Variants in RAD54B observed in about 807,000 individuals in gnomAD.
RAD54B encodes the protein RAD54 homolog B.
A neutral mutation model predicts 95.8 loss-of-function variants in RAD54B; 78 were observed. That is an observed-to-expected ratio of 0.81 (90% CI 0.68 to 0.98). The LOEUF (loss-of-function observed/expected upper bound fraction) is 0.98, where lower values mean the gene tolerates loss of function less well. Among genes scored for constraint, RAD54B ranks in the 50% least tolerant of loss-of-function variants. The pLI is 0.00. For synonymous variants in RAD54B, 328 were observed against 354.9 expected (o/e 0.92, Z 0.85); for missense variants, 957 against 1,056.6 (o/e 0.91, Z 1.31).
chr8:94,414,362 T>C (rs982020114), intron 3 of RAD54B, among the ~76,000 whole-genome samples: 1 of 152,154 alleles, frequency 6.6e-6, no homozygotes, highest in Non-Finnish European at 1.5e-5. Flanking sequence ...TCCAACACTA[T>C]GTTGAATAGG....
chr8:94,432,931 A>G (rs1000381786), intron 3 of RAD54B, among the ~76,000 whole-genome samples: 5 of 152,122 alleles, frequency 3.3e-5, no homozygotes, highest in Non-Finnish European at 7.4e-5. Flanking sequence ...AATGAAGAAA[A>G]TAAAAAGAAA....
At chr8:94,409,005 T>TC (rs1811464781) in intron 4 of RAD54B, among the ~76,000 whole-genome samples, 1 of 152,086 alleles carries the variant, frequency 6.6e-6, no homozygotes, top group Non-Finnish European at 1.5e-5. Context: ...TACTGGTTTT[T>TC]TTTTTTTCCT....
At chr8:94,458,220 T>G (rs1281598476) in intron 3 of RAD54B, 48 bp downstream of exon 3, 1 of 1,459,526 alleles carries the variant, frequency 6.9e-7, no homozygotes, top group Non-Finnish European at 9.2e-7. Flanking sequence ...AAGAATACTG[T>G]AATACTATTG....
In RAD54B at chr8:94,430,978, G is replaced by A. The variant is rs910244213; in HGVS notation, c.305-19663C>T. The stretch of plus-strand genomic sequence containing the variant: ...CCCATTCTTTTGTCTTTTTTCCAGC[G>A]TCTCACTCTTGACTTCAAACACCCA... On this transcript the variant is annotated intron_variant, in intron 3 of 14. Coordinates refer to ENST00000336148, the MANE Select transcript of RAD54B (RefSeq NM_012415.3). 45 of 984,872 alleles carry A rather than the reference G, an allele frequency of 4.6e-5. No homozygotes were observed. The African/African-American group carries it at 4.9e-4, about 11-fold the overall frequency. The allele number at this position is 984,872 out of a possible 1,614,324, so 61.0% of individuals were successfully genotyped here.
At chr8:94,465,285 A>G (rs1389408659) in intron 2 of RAD54B, among the ~76,000 whole-genome samples, 4 of 152,186 alleles carry the variant, frequency 2.6e-5, no homozygotes, top group Non-Finnish European at 5.9e-5. Flanking sequence ...CAGACCAAAA[A>G]AAGCAGTCAA....
rs937539172 is a variant in RAD54B, at chr8:94,412,098, T to C, written c.305-783A>G. On this transcript the variant is annotated intron_variant, in intron 3 of 14. Transcript: ENST00000336148. ...TTCTAAGAGTTTGACTTTTTTGAAT[T>C]CCACACATAAGTGAGATCACACAAT... Among the ~76,000 whole-genome samples, 3 of 152,144 alleles carry C rather than the reference T, an allele frequency of 2.0e-5. No individual in the cohort carries two copies. The East Asian group carries it at 5.8e-4, about 29-fold the overall frequency.
intron 3 of RAD54B, among the ~76,000 whole-genome samples, chr8:94,434,189 T>C (rs187178017): frequency 2.1e-3 from 320 of 152,014 alleles, no homozygotes; most frequent in African/African-American, 7.1e-3. Flanking sequence ...ATTAAGTTTT[T>C]AAAACCACAT....
chr8:94,400,329 A>G lies in RAD54B; in HGVS notation c.1079T>C (p.Ile360Thr). The part of the protein sequence containing the change: ...GGKPVIKKTL[I>T]VTPGSLVNNW... ...ATTCACCAAGCTTCCAGGTGTGACA[A>G]TTAGTGTCTTCTTTATTACTGGCTT... is the stretch of plus-strand genomic sequence containing the variant. Residue 360 changes from isoleucine (I) to threonine (T), a missense_variant, in exon 7 of 15, where the codon ATT becomes ACT. Ile to Thr is a moderately conservative substitution (Grantham distance 89, BLOSUM62 -1). Coordinates refer to ENST00000336148, the MANE Select transcript of RAD54B (RefSeq NM_012415.3). The G allele has an allele frequency of 2.5e-6, 4 of 1,613,792 alleles. No individual in the cohort carries two copies. The highest frequency in any genetic ancestry group is 2.5e-6 in the Non-Finnish European group (3 of 1,179,880).
intron 10 of RAD54B, among the ~76,000 whole-genome samples, chr8:94,388,529 A>T (rs1402976758): frequency 2.0e-5 from 3 of 152,206 alleles, no homozygotes; most frequent in Non-Finnish European, 2.9e-5. Flanking sequence ...CACAGGGGTC[A>T]GCCCCCCTAA....
chr8:94,444,827 G>A (rs28573192), intron 3 of RAD54B, among the ~76,000 whole-genome samples: 1,767 of 152,226 alleles, frequency 0.012, 42 homozygotes, highest in African/African-American at 0.041. Flanking sequence ...TTTGAGATGT[G>A]TATGTATCTC....
In RAD54B at chr8:94,429,803, C is replaced by T. The variant is rs185142242; in HGVS notation, c.305-18488G>A. ...AGCTATAAAACACCCTCTTTTTAAT[C>T]CAACCAATGAAATTAAGTAGTCAAC... On this transcript the variant is annotated intron_variant, in intron 3 of 14. Transcript: ENST00000336148. The T allele has an allele frequency of 2.3e-4, 223 of 985,276 alleles. 1 individual carries two copies. In the African/African-American group the frequency reaches 3.7e-3, roughly 16 times the overall value. The allele number at this position is 985,276 out of a possible 1,614,324, so 61.0% of individuals were successfully genotyped here.
At chr8:94,377,728 G>A (rs988095833) in intron 14 of RAD54B, among the ~76,000 whole-genome samples, 3 of 151,528 alleles carry the variant, frequency 2.0e-5, no homozygotes, top group Non-Finnish European at 4.4e-5. Flanking sequence ...TGTAATCCCA[G>A]CACTTTGGGA....
chr8:94,401,357 G>T, intron 6 of RAD54B, among the ~76,000 whole-genome samples: 1 of 151,876 alleles, frequency 6.6e-6, no homozygotes, highest in Non-Finnish European at 1.5e-5. Context: ...CTCTTCCTCA[G>T]CCTACTCAAC....
In RAD54B at chr8:94,378,167, A is replaced by C; in HGVS notation, c.2515+13T>G. The C allele has an allele frequency of 7.0e-6, 11 of 1,571,930 alleles. No individual in the cohort carries two copies. The highest frequency in any genetic ancestry group is 9.5e-6 in the Non-Finnish European group (11 of 1,155,768). On this transcript the variant is annotated intron_variant, in intron 14 of 14. Transcript: ENST00000336148. Reference sequence around the variant, plus strand: ...ACTTTACTACATAGTAACAGAATTAAAATATAACTAACCTGTATGAACTTC... The same window carrying C: ...ACTTTACTACATAGTAACAGAATTACAATATAACTAACCTGTATGAACTTC...
chr8:94,380,010 T>C lies in RAD54B; in HGVS notation c.2247+135A>G, dbSNP rs151100565. ...GGAGGATTAAACAGATGGAAAGCACTTAGGAGAGTGCCTCACGCAAAATAA... is the reference window on the plus strand; with the variant it reads ...GGAGGATTAAACAGATGGAAAGCACCTAGGAGAGTGCCTCACGCAAAATAA... On this transcript the variant is annotated intron_variant, in intron 12 of 14. Coordinates refer to ENST00000336148, the MANE Select transcript of RAD54B (RefSeq NM_012415.3). 4.7e-5 allele frequency: 45 copies of C among 958,888 alleles called. No individual in the cohort carries two copies. In the East Asian group the frequency reaches 1.1e-3, roughly 24 times the overall value. 59.4% of individuals were successfully genotyped at this position (958,888 alleles called of 1,614,324 possible). A position where few individuals can be genotyped will look rare whatever the true frequency, so the allele number is the denominator to read the frequency against.
chr8:94,391,997 G>A (rs1811034857), intron 9 of RAD54B, 98 bp from the exon 10 acceptor site: 1 of 1,141,986 alleles, frequency 8.8e-7, no homozygotes, highest in Non-Finnish European at 1.2e-6. Context: ...TTTACTCATT[G>A]CTTCCCAACA....
intron 3 of RAD54B, among the ~76,000 whole-genome samples, chr8:94,412,126 T>C (rs765298999): frequency 6.6e-6 from 1 of 152,298 alleles, no homozygotes; most frequent in East Asian, 1.9e-4. Context: ...CACACAATAA[T>C]TGTCTTTCTG....
At chr8:94,468,152 G>A (rs1458276890) in intron 1 of RAD54B, 3 of 152,142 alleles carry the variant, frequency 2.0e-5, no homozygotes, top group Non-Finnish European at 4.4e-5. Context: ...ACTTCAAGAT[G>A]TCTCACCTTT....
intron 4 of RAD54B, among the ~76,000 whole-genome samples, chr8:94,409,413 C>T (rs1405492081): frequency 2.0e-5 from 3 of 151,628 alleles, no homozygotes; most frequent in African/African-American, 7.3e-5. Context: ...CTCTCCAGCC[C>T]AGGCTGGAGT....
Sources: allele counts gnomAD v4.1 joint callset (sites outside exome capture counted in the v4.1 genomes callset), GRCh38; gene constraint gnomAD v4.1.1; transcripts MANE v1.5; gene names NCBI Gene and HGNC (gene_info 2026-07-23, HGNC 2026-07-21).